TBC1D14: variants seen among roughly 807,000 people sequenced by gnomAD.
TBC1D14 encodes TBC1 domain family, member 14.
TBC1D14 carries 26 observed loss-of-function variants against 79.0 expected under a neutral mutation model. That is an observed-to-expected ratio of 0.33 (90% CI 0.24 to 0.46). TBC1D14 has a LOEUF of 0.46. Ranked by LOEUF, TBC1D14 falls within the 20% of genes least tolerant of loss-of-function variation. The pLI, the probability that TBC1D14 is intolerant of heterozygous loss-of-function variation, is 1.00. For missense variants in TBC1D14, 769 were observed against 887.6 expected, an observed-to-expected ratio of 0.87 and a Z score of 1.70; for synonymous variants, 394 against 349.9, an observed-to-expected ratio of 1.13 and a Z score of -1.40.
At chr4:6,921,972 G>A (rs545691952) in intron 1 of TBC1D14, among the ~76,000 whole-genome samples, 1 of 152,182 alleles carries the variant, frequency 6.6e-6, no homozygotes. Context: ...TGGGATTACA[G>A]GTGTGAGCCA....
chr4:6,930,533 C>A (rs1026550903), intron 2 of TBC1D14, among the ~76,000 whole-genome samples: 4 of 152,218 alleles, frequency 2.6e-5, no homozygotes, highest in African/African-American at 9.6e-5. Context: ...CGCAGTGGCT[C>A]ACGCCTGTAA....
At chr4:6,944,536 G>A (rs1308263801) in intron 2 of TBC1D14, among the ~76,000 whole-genome samples, 1 of 152,164 alleles carries the variant, frequency 6.6e-6, no homozygotes, top group Non-Finnish European at 1.5e-5. Context: ...GGCCCTGCCG[G>A]GAGCCGTCTG....
intron 13 of TBC1D14, among the ~76,000 whole-genome samples, chr4:7,027,082 G>C (rs1722451371): frequency 6.6e-6 from 1 of 151,932 alleles, no homozygotes; most frequent in African/African-American, 2.4e-5. Flanking sequence ...ACGTTGGCAG[G>C]CTCCTGCAAT....
At chr4:6,987,893 C>G (rs965510236) in intron 3 of TBC1D14, among the ~76,000 whole-genome samples, 15 of 152,226 alleles carry the variant, frequency 9.9e-5, no homozygotes, top group Non-Finnish European at 2.2e-4. Context: ...AGGAATATGA[C>G]TATTAGAAAA....
At chr4:6,928,957 T>C (rs1724499384) in intron 2 of TBC1D14, among the ~76,000 whole-genome samples, 1 of 152,236 alleles carries the variant, frequency 6.6e-6, no homozygotes, top group Admixed American at 6.5e-5. Flanking sequence ...GCTTTGGCCA[T>C]CTTAGAATTA....
chr4:7,017,301 AAAAC>A (rs1381323941), intron 12 of TBC1D14, among the ~76,000 whole-genome samples: 15 of 152,302 alleles, frequency 9.8e-5, no homozygotes, highest in Admixed American at 3.9e-4. Flanking sequence ...CTCTCTCTCC[AAAAC>A]AAACAAACAA....
chr4:6,935,547 C>T (rs1250065442), intron 2 of TBC1D14, among the ~76,000 whole-genome samples: 1 of 152,026 alleles, frequency 6.6e-6, no homozygotes, highest in Non-Finnish European at 1.5e-5. Context: ...CTATCTCTCC[C>T]TTTTCCTCTT....
At chr4:6,988,881 C>CTTTCTTTCT (rs1718166939) in intron 3 of TBC1D14, among the ~76,000 whole-genome samples, 1 of 93,574 alleles carries the variant, frequency 1.1e-5, no homozygotes, top group Non-Finnish European at 2.2e-5. Context: ...TTCTTTCTTT[C>CTTTCTTTCT]TTTCTTTTTT....
intron 3 of TBC1D14, among the ~76,000 whole-genome samples, chr4:6,979,153 A>G (rs1717125783): frequency 6.6e-6 from 1 of 152,212 alleles, no homozygotes; most frequent in Non-Finnish European, 1.5e-5. Context: ...ATGGAGTTCT[A>G]AAAAAAGTTC....
In TBC1D14 at chr4:7,030,416, GGCACC is replaced by G. The variant is rs781313129; in HGVS notation, c.*25_*29del. 1 of 1,613,024 alleles carries G rather than the reference GGCACC, an allele frequency of 6.2e-7. No homozygotes were observed. The highest frequency in any genetic ancestry group is 8.5e-7 in the Non-Finnish European group (1 of 1,179,332). ...GAGGCTGCAGCGGGAATTCGCACTC[GGCACC>G]AATCAGAGCCCCATGCCGCGGCCCC... On this transcript the variant is annotated 3_prime_UTR_variant, in exon 14 of 14. Coordinates refer to ENST00000409757, the MANE Select transcript of TBC1D14 (RefSeq NM_020773.3).
chr4:6,999,489 G>A (rs1719435669), intron 6 of TBC1D14, among the ~76,000 whole-genome samples: 1 of 152,108 alleles, frequency 6.6e-6, no homozygotes, highest in Non-Finnish European at 1.5e-5. Flanking sequence ...AACTTCCTGT[G>A]ACTGTCAGTA....
intron 8 of TBC1D14, 74 bp downstream of exon 8, chr4:7,004,998 A>G: frequency 1.5e-6 from 2 of 1,360,158 alleles, no homozygotes; most frequent in Non-Finnish European, 1.1e-6. Context: ...TAGTGAAGAA[A>G]GTTGACGTTA....
At chr4:6,922,735 C>G (rs1275067574) in intron 1 of TBC1D14, among the ~76,000 whole-genome samples, 2 of 152,156 alleles carry the variant, frequency 1.3e-5, no homozygotes, top group Non-Finnish European at 2.9e-5. Context: ...CACCACTCCC[C>G]CAAAAGAAAA....
chr4:6,954,036 C>T (rs1042707251), intron 2 of TBC1D14, among the ~76,000 whole-genome samples: 2 of 152,184 alleles, frequency 1.3e-5, no homozygotes, highest in African/African-American at 4.8e-5. Flanking sequence ...GTCCCAGGCC[C>T]GAGAACCCGT....
chr4:6,968,656 C>T (rs1272930437), intron 3 of TBC1D14, among the ~76,000 whole-genome samples: 3 of 51,534 alleles, frequency 5.8e-5, no homozygotes, highest in South Asian at 1.8e-3. Context: ...TGCAGCTGAG[C>T]CCAGGAGGCT....
intron 2 of TBC1D14, among the ~76,000 whole-genome samples, chr4:6,938,309 G>C (rs1460324487): frequency 6.6e-6 from 1 of 152,108 alleles, no homozygotes; most frequent in African/African-American, 2.4e-5. Flanking sequence ...GCCATGCTCG[G>C]CCACCCTGCC....
At chr4:6,979,335 T>TAA (rs374968547) in intron 3 of TBC1D14, among the ~76,000 whole-genome samples, 1 of 152,136 alleles carries the variant, frequency 6.6e-6, no homozygotes, top group Non-Finnish European at 1.5e-5. Flanking sequence ...CAGAATGGGT[T>TAA]AAAAAAATGG....
At chr4:6,982,614 A>T (rs67067921) in intron 3 of TBC1D14, among the ~76,000 whole-genome samples, 15,000 of 152,276 alleles carry the variant, frequency 0.099, 1,244 homozygotes, top group African/African-American at 0.22. Flanking sequence ...TTAATGGATC[A>T]TTTAGGGTTC....
chr4:6,981,858 A>G (rs951300288), intron 3 of TBC1D14, among the ~76,000 whole-genome samples: 1 of 152,224 alleles, frequency 6.6e-6, no homozygotes, highest in East Asian at 1.9e-4. Flanking sequence ...AAGAAATGGA[A>G]GAGAACTTCC....
Sources: allele counts gnomAD v4.1 joint callset (sites outside exome capture counted in the v4.1 genomes callset), GRCh38; gene constraint gnomAD v4.1.1; transcripts MANE v1.5; gene names NCBI Gene and HGNC (gene_info 2026-07-23, HGNC 2026-07-21).